Variants in NKAIN3 observed in about 807,000 individuals in gnomAD.
NKAIN3 encodes the protein sodium/potassium-transporting ATPase subunit beta-1-interacting protein 3.
NKAIN3 carries 25 observed loss-of-function variants against 30.2 expected under a neutral mutation model. The ratio of observed to expected loss-of-function variants is 0.83; its 90% CI spans 0.60 to 1.16. The LOEUF (loss-of-function observed/expected upper bound fraction) is 1.16. Ranked by LOEUF, NKAIN3 falls within the 50% of genes most tolerant of loss-of-function variation. The pLI is 0.00. For synonymous variants in NKAIN3, 91 were observed against 89.6 expected, an observed-to-expected ratio of 1.02 and a Z score of -0.09; for missense variants, 225 against 254.1, an observed-to-expected ratio of 0.89 and a Z score of 0.78.
In NKAIN3 at chr8:62,249,056, T is replaced by C. The variant is rs1447254258; in HGVS notation, c.-18T>C. 1.0e-5 allele frequency: 16 copies of C among 1,533,658 alleles called. No individual in the cohort carries two copies. The highest frequency in any genetic ancestry group is 6.0e-5 in the Admixed American group (3 of 50,342). The stretch of plus-strand genomic sequence containing the variant: ...GAGGATCTCTGGCAGTCAGCGCCGC[T>C]CGGACGCCGCCGGCACCATGGGCTG... On this transcript the variant is annotated 5_prime_UTR_variant, in exon 1 of 7. Transcript: ENST00000623646.
intron 1 of NKAIN3, among the ~76,000 whole-genome samples, chr8:62,535,527 C>T (rs1808631405): frequency 6.6e-6 from 1 of 152,196 alleles, no homozygotes; most frequent in Non-Finnish European, 1.5e-5. Flanking sequence ...TTGGGATTCC[C>T]ATGATCCTTT....
At chr8:62,743,279 C>A (rs1815965041) in intron 3 of NKAIN3, among the ~76,000 whole-genome samples, 1 of 151,840 alleles carries the variant, frequency 6.6e-6, no homozygotes. Flanking sequence ...ACTGAGTTGT[C>A]ATGTGGTAAG....
intron 1 of NKAIN3, among the ~76,000 whole-genome samples, chr8:62,460,108 A>G (rs932809646): frequency 3.3e-5 from 5 of 152,284 alleles, no homozygotes; most frequent in Admixed American, 3.3e-4. Flanking sequence ...TCTCTCCTCC[A>G]TCAAAGCAAT....
intron 2 of NKAIN3, among the ~76,000 whole-genome samples, chr8:62,580,212 TTC>T (rs1275042386): frequency 1.3e-5 from 2 of 152,200 alleles, no homozygotes; most frequent in African/African-American, 2.4e-5. Flanking sequence ...TATTGAATAT[TTC>T]TCTGTTTGTC....
intron 4 of NKAIN3, among the ~76,000 whole-genome samples, chr8:62,911,310 C>T (rs186983020): frequency 6.2e-4 from 94 of 152,158 alleles, no homozygotes; most frequent in African/African-American, 2.1e-3. Flanking sequence ...CACCTATATG[C>T]ATGAAAAAAT....
chr8:62,628,137 G>C (rs1209977358), intron 3 of NKAIN3, among the ~76,000 whole-genome samples: 1 of 152,080 alleles, frequency 6.6e-6, no homozygotes, highest in Non-Finnish European at 1.5e-5. Context: ...GGAAGCTGAA[G>C]CCCACAAAGA....
At chr8:62,528,324 A>AAT (rs1164587773) in intron 1 of NKAIN3, among the ~76,000 whole-genome samples, 9 of 73,366 alleles carry the variant, frequency 1.2e-4, no homozygotes, top group Middle Eastern at 6.7e-3. Flanking sequence ...TATATTATAT[A>AAT]ATATATATAT....
chr8:62,444,715 A>G (rs1805428635), intron 1 of NKAIN3, among the ~76,000 whole-genome samples: 1 of 152,114 alleles, frequency 6.6e-6, no homozygotes, highest in Non-Finnish European at 1.5e-5. Context: ...TTTCTCTCAA[A>G]TATACACCCA....
intron 3 of NKAIN3, among the ~76,000 whole-genome samples, chr8:62,732,655 A>AG (rs1815511068): frequency 1.3e-5 from 2 of 152,068 alleles, no homozygotes; most frequent in African/African-American, 4.8e-5. Context: ...CAATTACTAC[A>AG]CACAGTTCTG....
intron 1 of NKAIN3, among the ~76,000 whole-genome samples, chr8:62,485,790 T>C (rs1165192654): frequency 6.6e-6 from 1 of 152,114 alleles, no homozygotes; most frequent in African/African-American, 2.4e-5. Context: ...GGAATGGATT[T>C]GAGAGCTTTT....
At position 62,929,910 on chromosome 8, in the gene NKAIN3, A is replaced by T. The variant is rs145640991; in HGVS notation, c.532+11397A>T. Among the ~76,000 whole-genome samples, 4 of 152,280 alleles carry T rather than the reference A, an allele frequency of 2.6e-5. No individual in the cohort carries two copies. In the East Asian group the frequency reaches 7.7e-4, roughly 29 times the overall value. ...TAGCTTATTTTATGTGCGGCCCAAG[A>T]CAATTCTTCCAATGTGTCCCAGGGA... is the stretch of plus-strand genomic sequence containing the variant. On this transcript the variant is annotated intron_variant, in intron 5 of 6. Coordinates refer to ENST00000623646, the MANE Select transcript of NKAIN3 (RefSeq NM_001304533.3).
intron 1 of NKAIN3, among the ~76,000 whole-genome samples, chr8:62,277,937 C>A (rs1813020095): frequency 6.6e-6 from 1 of 152,100 alleles, no homozygotes; most frequent in African/African-American, 2.4e-5. Flanking sequence ...CTTTAAGGTG[C>A]TTTTCCAGTG....
chr8:62,412,326 A>AAAG (rs397759974), intron 1 of NKAIN3, among the ~76,000 whole-genome samples: 9 of 151,946 alleles, frequency 5.9e-5, no homozygotes, highest in Non-Finnish European at 1.0e-4. Flanking sequence ...ACAAAAAAAA[A>AAAG]CAGTGGGGAA....
At chr8:62,892,885 G>A (rs928725632) in intron 4 of NKAIN3, among the ~76,000 whole-genome samples, 1 of 152,102 alleles carries the variant, frequency 6.6e-6, no homozygotes, top group African/African-American at 2.4e-5. Flanking sequence ...TTTGTTGGTG[G>A]TGATAACTAG....
intron 1 of NKAIN3, among the ~76,000 whole-genome samples, chr8:62,576,963 G>A (rs1160604171): frequency 6.6e-6 from 1 of 152,046 alleles, no homozygotes; most frequent in Non-Finnish European, 1.5e-5. Flanking sequence ...GAAAATATTA[G>A]CCAGTAAACA....
intron 5 of NKAIN3, among the ~76,000 whole-genome samples, chr8:62,953,082 C>A (rs1486995336): frequency 1.3e-5 from 2 of 152,000 alleles, no homozygotes; most frequent in Non-Finnish European, 2.9e-5. Context: ...AATATTTGGG[C>A]TAAAATATAC....
At chr8:62,609,229 A>G (rs1356820486) in intron 3 of NKAIN3, among the ~76,000 whole-genome samples, 2 of 152,142 alleles carry the variant, frequency 1.3e-5, no homozygotes, top group Non-Finnish European at 2.9e-5. Context: ...ATTAGTTTGC[A>G]TTTATATTGT....
At chr8:62,437,704 A>T (rs1451942601) in intron 1 of NKAIN3, among the ~76,000 whole-genome samples, 1 of 152,142 alleles carries the variant, frequency 6.6e-6, no homozygotes, top group African/African-American at 2.4e-5. Flanking sequence ...TACCACGGTG[A>T]GCATTTACAA....
At chr8:62,567,428 G>A (rs1011297931) in intron 1 of NKAIN3, among the ~76,000 whole-genome samples, 6 of 152,126 alleles carry the variant, frequency 3.9e-5, no homozygotes, top group Non-Finnish European at 7.3e-5. Context: ...GTCCATGTCC[G>A]AATCACTGGA....
Sources: gnomAD v4.1 joint callset for allele counts (sites outside exome capture counted in the v4.1 genomes callset) on GRCh38, gnomAD v4.1.1 for gene constraint, MANE v1.5 for transcripts, NCBI Gene and HGNC (gene_info 2026-07-23, HGNC 2026-07-21) for gene names.